ERBB4: variants seen among roughly 807,000 people sequenced by gnomAD.
ERBB4 encodes the protein erb-b2 receptor tyrosine kinase 4.
ERBB4 carries 42 observed loss-of-function variants against 158.0 expected under a neutral mutation model. The observed-to-expected ratio is 0.27, with a 90% CI of 0.21 to 0.34. The LOEUF (loss-of-function observed/expected upper bound fraction) is 0.34. Ranked by LOEUF, ERBB4 falls within the 10% of genes least tolerant of loss-of-function variation. ERBB4 has a pLI of 1.00. For missense variants in ERBB4, 1,333 were observed against 1,624.1 expected (o/e 0.82, Z 3.08); for synonymous variants, 583 against 558.7 (o/e 1.04, Z -0.61).
intron 1 of ERBB4, among the ~76,000 whole-genome samples, chr2:212,425,239 AAATT>A (rs1186477201): frequency 3.3e-5 from 5 of 150,044 alleles, no homozygotes; most frequent in Non-Finnish European, 7.4e-5. Flanking sequence ...CACATTAAAA[AAATT>A]ATTTAGAACT....
At chr2:211,982,954 C>A (rs941506034) in intron 2 of ERBB4, among the ~76,000 whole-genome samples, 2 of 152,176 alleles carry the variant, frequency 1.3e-5, no homozygotes, top group African/African-American at 4.8e-5. Flanking sequence ...GTTGTAGCAT[C>A]TTACATTACA....
chr2:212,472,673 A>G (rs1248290813), intron 1 of ERBB4, among the ~76,000 whole-genome samples: 1 of 151,874 alleles, frequency 6.6e-6, no homozygotes, highest in African/African-American at 2.4e-5. Flanking sequence ...CTGCTACTCT[A>G]CAACACTTTT....
chr2:211,861,381 A>C (rs2078051919), intron 3 of ERBB4, among the ~76,000 whole-genome samples: 1 of 128,720 alleles, frequency 7.8e-6, no homozygotes, highest in Non-Finnish European at 1.6e-5. Context: ...CTTTTAGCAG[A>C]GAAGAGGTTT....
chr2:212,099,322 G>A lies in ERBB4; in HGVS notation c.234+25430C>T, dbSNP rs192649661. Among the ~76,000 whole-genome samples, 37 of 152,006 alleles carry A rather than the reference G, an allele frequency of 2.4e-4. No homozygotes were observed. The East Asian group carries it at 7.2e-3, about 29-fold the overall frequency. The stretch of plus-strand genomic sequence containing the variant: ...CCTGAAACTTCTTCTTGAGATATGA[G>A]ATACCTTATTTTACTTACTAAATAG... On this transcript the variant is annotated intron_variant, in intron 2 of 27. Coordinates refer to ENST00000342788, the MANE Select transcript of ERBB4 (RefSeq NM_005235.3).
chr2:211,540,205 T>TATACAC (rs60602351), intron 20 of ERBB4, among the ~76,000 whole-genome samples: 2,363 of 147,742 alleles, frequency 0.016, 95 homozygotes, highest in East Asian at 0.1. Flanking sequence ...TATATATATA[T>TATACAC]ACACACACAC....
chr2:211,450,528 G>A (rs2064218984), intron 20 of ERBB4, among the ~76,000 whole-genome samples: 1 of 152,128 alleles, frequency 6.6e-6, no homozygotes. Flanking sequence ...GGTGGAGATG[G>A]AGAGAAGTAA....
chr2:211,571,860 T>C lies in ERBB4; in HGVS notation c.2302-9772A>G, dbSNP rs536587506. 2.0e-5 allele frequency among the ~76,000 whole-genome samples: 3 copies of C among 152,346 alleles called. No individual in the cohort carries two copies. The East Asian group carries it at 5.8e-4, about 29-fold the overall frequency. ...TCAATTGCTTTCTCATCTCTTAAAA[T>C]AGATACTACTGGATTTGTAAGATAA... On this transcript the variant is annotated intron_variant, in intron 19 of 27. Transcript: ENST00000342788.
In ERBB4 at chr2:211,659,545, T is replaced by G. The variant is rs188077980; in HGVS notation, c.1872-1717A>C. On this transcript the variant is annotated intron_variant, in intron 15 of 27. Transcript: ENST00000342788. ...TATGCCATATTATCATTTTGTAAAA[T>G]TAAAAGTCTGCTTATCAGTTCCAAG... is the stretch of plus-strand genomic sequence containing the variant. Among the ~76,000 whole-genome samples the G allele has an allele frequency of 2.1e-3, 313 of 152,254 alleles. 2 individuals carry two copies. Among genetic ancestry groups the G allele is most frequent in the Admixed American group, 3.6e-3 (55 of 15,300 alleles).
At chr2:211,903,155 A>ATTC (rs142169886) in intron 3 of ERBB4, among the ~76,000 whole-genome samples, 22,970 of 151,966 alleles carry the variant, frequency 0.15, 2,186 homozygotes, top group African/African-American at 0.27. Context: ...AAATCATCAG[A>ATTC]TTGAGTGGCA....
chr2:211,739,740 A>G lies in ERBB4; in HGVS notation c.622+10899T>C, dbSNP rs148367575. 1.8e-3 allele frequency among the ~76,000 whole-genome samples: 270 copies of G among 152,332 alleles called. 3 individuals carry two copies. The highest frequency in any genetic ancestry group is 6.0e-3 in the African/African-American group (249 of 41,582). On this transcript the variant is annotated intron_variant, in intron 5 of 27. Transcript: ENST00000342788. The stretch of plus-strand genomic sequence containing the variant: ...CGCTTCGGCCTCCCAAAGTGTTGGG[A>G]TTACAGGCGTGAGCCACTGCGCCCA...
At chr2:211,397,251 G>T (rs2125343446) in intron 25 of ERBB4, among the ~76,000 whole-genome samples, 1 of 152,070 alleles carries the variant, frequency 6.6e-6, no homozygotes, top group Non-Finnish European at 1.5e-5. Context: ...AACATACAAA[G>T]CATTCCTGCA....
rs557840019 is a variant in ERBB4 at position 211,383,713 on chromosome 2, T to C, written c.3829A>G (p.Ile1277Val). ...FYKQNGRIRP[I>V]VAENPEYLSE... Reference sequence around the variant, plus strand: ...AGGTATTCAGGATTCTCTGCCACAATAGGCCGGATCCGCCCATTCTGTTTA... The same window carrying C: ...AGGTATTCAGGATTCTCTGCCACAACAGGCCGGATCCGCCCATTCTGTTTA... Residue 1277 changes from isoleucine (I) to valine (V), a missense_variant, in exon 28 of 28, where the codon ATT (isoleucine) becomes GTT (valine). This residue lies in a region of ERBB4 where 84 missense variants were observed against 110.8 expected (regional missense o/e 0.76). Coordinates refer to ENST00000342788, the MANE Select transcript of ERBB4 (RefSeq NM_005235.3). The C allele has an allele frequency of 1.9e-6, 3 of 1,613,944 alleles. No individual in the cohort carries two copies. The African/African-American group carries it at 4.0e-5, about 22-fold the overall frequency.
intron 1 of ERBB4, among the ~76,000 whole-genome samples, chr2:212,448,952 T>C (rs1339565982): frequency 1.3e-5 from 2 of 152,150 alleles, no homozygotes; most frequent in East Asian, 3.8e-4. Flanking sequence ...CTTTTATGTT[T>C]AGCTTCATTG....
chr2:211,974,672 T>C lies in ERBB4; in HGVS notation c.235-27056A>G, dbSNP rs146961126. Among the ~76,000 whole-genome samples, 73 of 152,284 alleles carry C rather than the reference T, an allele frequency of 4.8e-4. 2 individuals carry two copies. In the South Asian group the frequency reaches 0.015, roughly 31 times the overall value. ...TGGGAGGCTGAGGTGGGAGCATCTC[T>C]GGAGCCCTGGAGGCAGAGGCTGCAG... On this transcript the variant is annotated intron_variant, in intron 2 of 27. Transcript: ENST00000342788.
At chr2:211,895,055 T>C (rs1459304528) in intron 3 of ERBB4, among the ~76,000 whole-genome samples, 4 of 152,188 alleles carry the variant, frequency 2.6e-5, no homozygotes, top group Non-Finnish European at 4.4e-5. Context: ...TAATGTGGTA[T>C]AGTCATTAAC....
chr2:211,741,813 G>T (rs115740039), intron 5 of ERBB4, among the ~76,000 whole-genome samples: 5 of 152,032 alleles, frequency 3.3e-5, no homozygotes, highest in African/African-American at 1.2e-4. Context: ...GAAACAACTT[G>T]TTCTTTTAAA....
chr2:211,982,426 G>T (rs1009697834), intron 2 of ERBB4, among the ~76,000 whole-genome samples: 9 of 152,142 alleles, frequency 5.9e-5, no homozygotes, highest in African/African-American at 1.7e-4. Flanking sequence ...CCACAAAAAG[G>T]GGATAACAAG....
intron 5 of ERBB4, 43 bp downstream of exon 5, chr2:211,750,596 T>G: frequency 9.1e-6 from 14 of 1,530,986 alleles, no homozygotes; most frequent in Non-Finnish European, 1.3e-5. Flanking sequence ...TTAAAATTCC[T>G]TGACCACATC....
chr2:212,490,603 C>T (rs903156731), intron 1 of ERBB4, among the ~76,000 whole-genome samples: 3 of 151,766 alleles, frequency 2.0e-5, no homozygotes, highest in African/African-American at 7.2e-5. Flanking sequence ...AAATTATATT[C>T]TCTATACAAT....
Sources: allele counts gnomAD v4.1 joint callset (sites outside exome capture counted in the v4.1 genomes callset), GRCh38; gene constraint gnomAD v4.1.1; regional missense constraint gnomAD v4.1.1; transcripts MANE v1.5; gene names NCBI Gene and HGNC (gene_info 2026-07-23, HGNC 2026-07-21).